The following UBL7 variants were observed in gnomAD, a reference collection of about 807,000 sequenced individuals.
The protein encoded by UBL7 is ubiquitin like 7, also known as ubiquitin-like protein 7.
In UBL7, 21 loss-of-function variants were observed where a neutral mutation model predicts 41.7. The ratio of observed to expected loss-of-function variants is 0.50; its 90% CI spans 0.36 to 0.73. The LOEUF is 0.73. UBL7 is among the 30% of genes least tolerant of loss of function. The probability of loss-of-function intolerance (pLI) is 0.00; values close to 1 mark genes in which losing one functional copy is unlikely to be tolerated. For missense variants in UBL7, 403 were observed against 478.4 expected (o/e 0.84, Z 1.47); for synonymous variants, 157 against 186.9 (o/e 0.84, Z 1.31).
In UBL7 at chr15:74,446,400, G is replaced by A. The variant is rs1431904008; in HGVS notation, c.1006-173C>T. ...GGAAGACTAAAAGATAGGCTTGAGGGTTAAGAGAACAAATCCAAAGTTTTA... is the reference window on the plus strand; with the variant it reads ...GGAAGACTAAAAGATAGGCTTGAGGATTAAGAGAACAAATCCAAAGTTTTA... On this transcript the variant is annotated intron_variant, in intron 10 of 10. Transcript: ENST00000395081. The surrounding 1 kb of genome is among the most constrained non-coding windows in gnomAD (Gnocchi z 4.1). Among the ~76,000 whole-genome samples the A allele has an allele frequency of 1.3e-5, 2 of 152,220 alleles. No individual in the cohort carries two copies. Among genetic ancestry groups the A allele is most frequent in the Admixed American group, 6.5e-5 (1 of 15,284 alleles).
At chr15:74,457,236 G>A (rs1483544400) in intron 2 of UBL7, among the ~76,000 whole-genome samples, 1 of 152,060 alleles carries the variant, frequency 6.6e-6, no homozygotes, top group African/African-American at 2.4e-5. Context: ...CCGACATGGC[G>A]AAACCTGGGC....
chr15:74,452,222 A>C (rs1596215402), intron 4 of UBL7, 74 bp downstream of exon 4: 8 of 1,472,954 alleles, frequency 5.4e-6, no homozygotes, highest in Non-Finnish European at 7.4e-6. Flanking sequence ...TCCAGCTCCC[A>C]CTCCACACCA....
At chr15:74,448,118 C>T (rs2061203214) in intron 10 of UBL7, among the ~76,000 whole-genome samples, 1 of 152,214 alleles carries the variant, frequency 6.6e-6, no homozygotes, top group Admixed American at 6.5e-5. Context: ...CCTGGTGCCC[C>T]TCCATGGCAG....
At chr15:74,450,644 T>C (rs2061235379) in intron 6 of UBL7, among the ~76,000 whole-genome samples, 158 bp downstream of exon 6, 1 of 152,154 alleles carries the variant, frequency 6.6e-6, no homozygotes, top group South Asian at 2.1e-4. Context: ...AGCCCTGCTC[T>C]TGGGCTTTGC....
intron 3 of UBL7, among the ~76,000 whole-genome samples, chr15:74,452,656 C>T (rs1032210118): frequency 5.3e-5 from 8 of 152,270 alleles, no homozygotes; most frequent in Admixed American, 2.0e-4. Flanking sequence ...ACATGAAAAA[C>T]GGTGCTCTGA....
Position 74,452,345 on chromosome 15 carries a change from A to C in UBL7, c.338T>G (p.Phe113Cys), listed in dbSNP as rs1195231811. 1.3e-6 allele frequency: 2 copies of C among 1,561,704 alleles called. No homozygotes were observed. Among genetic ancestry groups the C allele is most frequent in the East Asian group, 4.7e-5 (2 of 42,334 alleles). The change falls in exon 4 of 11, where the codon TTC (phenylalanine) becomes TGC (cysteine). Residue 113 changes from phenylalanine (F) to cysteine (C), a missense_variant. Physicochemically the swap from Phe to Cys is radical, Grantham distance 205 (BLOSUM62 -2). Transcript: ENST00000395081. Reference sequence around the variant, plus strand: ...GTGCAGGGCAGTGTGCAACACCCGGAACTCTCTCATGGCAGCCACTTTGTC... The same window carrying C: ...GTGCAGGGCAGTGTGCAACACCCGGCACTCTCTCATGGCAGCCACTTTGTC... ...PVDKVAAMRE[F>C]RVLHTALHSS... is the part of the protein sequence containing the mutation.
At chr15:74,447,002 T>C (rs1187206398) in intron 10 of UBL7, among the ~76,000 whole-genome samples, 2 of 152,064 alleles carry the variant, frequency 1.3e-5, no homozygotes, top group African/African-American at 2.4e-5. Context: ...GATGAGAACA[T>C]GGAGGGCTTA....
Position 74,446,204 on chromosome 15 carries a change from C to A in UBL7, c.1029G>T (p.Gln343His). 1 of 1,613,914 alleles carries A rather than the reference C, an allele frequency of 6.2e-7. No homozygotes were observed. The highest frequency in any genetic ancestry group is 8.5e-7 in the Non-Finnish European group (1 of 1,179,904). Reference protein sequence around the residue: ...SLQSQWQPQLQQLRDMGIQDD... With the variant: ...SLQSQWQPQLHQLRDMGIQDD... ...CCTGGATGCCCATGTCACGTAGCTG[C>A]TGCAGCTGGGGCTGCCACTGGCTCT... is the stretch of plus-strand genomic sequence containing the variant. The change falls in exon 11 of 11, where the codon CAG (glutamine) becomes CAT (histidine). Residue 343 changes from glutamine (Q) to histidine (H), a missense_variant. By Grantham distance (24) the Gln-to-His change is conservative. Transcript: ENST00000395081. This position sits in a 1 kb window ranked among gnomAD's most constrained non-coding sequence, Gnocchi z 4.1.
chr15:74,452,211 T>A, intron 4 of UBL7, 85 bp downstream of exon 4: 1 of 1,430,696 alleles, frequency 7.0e-7, no homozygotes, highest in Non-Finnish European at 9.5e-7. Context: ...GGCAACGGGC[T>A]TCCAGCTCCC....
At position 74,458,890 on chromosome 15, in the gene UBL7, T is replaced by G; in HGVS notation, c.-23A>C. On this transcript the variant is annotated 5_prime_UTR_variant, in exon 2 of 11. Coordinates refer to ENST00000395081, the MANE Select transcript of UBL7 (RefSeq NM_032907.5). ...CATCCTCTCTCTTTCGCGCTCTCTC[T>G]TTCTCCCTGTAAAAGAACAAAACCT... 6.2e-7 allele frequency: 1 copy of G among 1,604,688 alleles called. No individual in the cohort carries two copies. Among genetic ancestry groups the G allele is most frequent in the African/African-American group, 1.3e-5 (1 of 75,036 alleles).
chr15:74,451,584 A>C (rs2061246901), intron 4 of UBL7, 64 bp from the exon 5 acceptor site: 1 of 1,348,966 alleles, frequency 7.4e-7, no homozygotes, highest in Non-Finnish European at 1.1e-6. Context: ...AAATGCCCAC[A>C]CTCTGCCAAA....
rs1262680045 is a variant in UBL7 at position 74,448,498 on chromosome 15, A to T, written c.985T>A (p.Ser329Thr). 6.2e-7 allele frequency: 1 copy of T among 1,614,054 alleles called. No homozygotes were observed. The highest frequency in any genetic ancestry group is 1.1e-5 in the South Asian group (1 of 91,082). ...SQALQHALQA[S>T]GQPSLQSQWQ... ...CTGACCTGAAGGCTGGGCTGCCCAGAGGCCTGAAGGGCATGCTGTAGGGCT... is the reference window on the plus strand; with the variant it reads ...CTGACCTGAAGGCTGGGCTGCCCAGTGGCCTGAAGGGCATGCTGTAGGGCT... The change falls in exon 10 of 11, where the codon TCT becomes ACT. Residue 329 changes from serine (S) to threonine (T), a missense_variant. Coordinates refer to ENST00000395081, the MANE Select transcript of UBL7 (RefSeq NM_032907.5).
intron 1 of UBL7, chr15:74,460,821 AG>A: frequency 8.1e-7 from 1 of 1,237,962 alleles, no homozygotes; most frequent in East Asian, 5.7e-5. Flanking sequence ...GCTGCCTAGC[AG>A]ACCTTCAAGC....
chr15:74,454,861 G>A (rs1290308193), intron 3 of UBL7, among the ~76,000 whole-genome samples: 1 of 152,218 alleles, frequency 6.6e-6, no homozygotes, highest in African/African-American at 2.4e-5. Flanking sequence ...CTAGAGCAAG[G>A]TGGAAGCTGT....
At chr15:74,458,998 T>C (rs1299706696) in intron 1 of UBL7, 102 bp from the exon 2 acceptor site, 3 of 1,139,038 alleles carry the variant, frequency 2.6e-6, no homozygotes, top group Non-Finnish European at 3.8e-6. Flanking sequence ...TGTGACACTG[T>C]TGAAGAGGCA....
chr15:74,456,787 A>C, intron 2 of UBL7, 116 bp from the exon 3 acceptor site: 2 of 1,224,922 alleles, frequency 1.6e-6, no homozygotes, highest in Non-Finnish European at 2.3e-6. Context: ...TTTAAAAGAT[A>C]CTCTTATTCA....
chr15:74,459,580 G>A (rs1198044655), intron 1 of UBL7, among the ~76,000 whole-genome samples: 1 of 150,752 alleles, frequency 6.6e-6, no homozygotes, highest in Non-Finnish European at 1.5e-5. Flanking sequence ...GCCTCCCAAA[G>A]TGCTGGGATT....
chr15:74,451,189 G>A lies in UBL7; in HGVS notation c.472+247C>T, dbSNP rs560521316. Among the ~76,000 whole-genome samples, 27 of 152,186 alleles carry A rather than the reference G, an allele frequency of 1.8e-4. 1 individual carries two copies. Among genetic ancestry groups the A allele is most frequent in the Admixed American group, 1.4e-3 (22 of 15,284 alleles). On this transcript the variant is annotated intron_variant, in intron 5 of 10. Transcript: ENST00000395081. ...GCCTTCCCTGATTGCTGTGATGTGG[G>A]CTAACTGCTATCCTCATTTGGCATC...
At position 74,459,032 on chromosome 15, in the gene UBL7, G is replaced by A. The variant is rs924436293; in HGVS notation, c.-29-136C>T. Reference sequence around the variant, plus strand: ...CATAGGGCGTACCATCAGGAGGCCAGAACTAGAATCTGGGGTTCTCTCTCT... The same window carrying A: ...CATAGGGCGTACCATCAGGAGGCCAAAACTAGAATCTGGGGTTCTCTCTCT... On this transcript the variant is annotated intron_variant, in intron 1 of 10. Transcript: ENST00000395081. The A allele has an allele frequency of 9.0e-6, 7 of 775,840 alleles. No individual in the cohort carries two copies. The South Asian group carries it at 1.3e-4, about 14-fold the overall frequency. 48.1% of individuals were successfully genotyped at this position (775,840 alleles called of 1,614,324 possible). A position where few individuals can be genotyped will look rare whatever the true frequency, so the allele number is the denominator to read the frequency against.
Sources: gnomAD v4.1 joint callset for allele counts (sites outside exome capture counted in the v4.1 genomes callset) on GRCh38, gnomAD v4.1.1 for gene constraint, Gnocchi (gnomAD v3.1) non-coding constraint, MANE v1.5 for transcripts, NCBI Gene and HGNC (gene_info 2026-07-23, HGNC 2026-07-21) for gene names.